The following SERINC5 variants were observed in gnomAD, a reference collection of about 807,000 sequenced individuals.
The protein encoded by SERINC5 is chromosome 5 open reading frame 12.
Under a neutral mutation model 63.1 loss-of-function variants are expected in SERINC5, and 41 were observed. The observed-to-expected ratio is 0.65, with a 90% confidence interval of 0.51 to 0.84. The LOEUF is 0.84. Ranked by LOEUF, SERINC5 falls within the 40% of genes least tolerant of loss-of-function variation. SERINC5 has a pLI of 0.00. For missense variants in SERINC5, 523 were observed against 573.0 expected (o/e 0.91, Z 0.89); for synonymous variants, 222 against 215.2 (o/e 1.03, Z -0.28).
chr5:80,224,210 C>T (rs1169077769), intron 1 of SERINC5, among the ~76,000 whole-genome samples: 1 of 151,724 alleles, frequency 6.6e-6, no homozygotes, highest in Non-Finnish European at 1.5e-5. Flanking sequence ...CCTGTAATCC[C>T]AGCACTTTGG....
intron 1 of SERINC5, among the ~76,000 whole-genome samples, chr5:80,243,698 G>A (rs1009743625): frequency 6.6e-6 from 1 of 151,566 alleles, no homozygotes; most frequent in African/African-American, 2.4e-5. Context: ...TTAAGCCCAG[G>A]AGTTTGGGAC....
chr5:80,177,846 GA>G, intron 3 of SERINC5, 39 bp downstream of exon 3: 1 of 1,508,466 alleles, frequency 6.6e-7, no homozygotes, highest in South Asian at 1.3e-5. Flanking sequence ...CTGAACATAA[GA>G]AAGGAGAAAG....
chr5:80,241,003 T>C (rs963710513), intron 1 of SERINC5, among the ~76,000 whole-genome samples: 4 of 152,168 alleles, frequency 2.6e-5, no homozygotes, highest in African/African-American at 9.7e-5. Flanking sequence ...AAAATATTGT[T>C]TTTAAGTTAG....
intron 1 of SERINC5, among the ~76,000 whole-genome samples, chr5:80,231,587 T>C (rs1751440086): frequency 6.6e-6 from 1 of 151,580 alleles, no homozygotes; most frequent in Admixed American, 6.6e-5. Flanking sequence ...TAGGTCTAAA[T>C]TCCAGATGAA....
At chr5:80,212,730 T>C (rs145245895) in intron 1 of SERINC5, among the ~76,000 whole-genome samples, 41 of 151,986 alleles carry the variant, frequency 2.7e-4, no homozygotes, top group African/African-American at 9.7e-4. Flanking sequence ...CCTTTATTGA[T>C]AGCTATGCAA....
chr5:80,231,974 C>T (rs1021070617), intron 1 of SERINC5, among the ~76,000 whole-genome samples: 2 of 151,948 alleles, frequency 1.3e-5, no homozygotes, highest in Admixed American at 6.6e-5. Context: ...TGATGGCATG[C>T]TCCTGTGGTC....
At chr5:80,231,698 G>A (rs573574771) in intron 1 of SERINC5, among the ~76,000 whole-genome samples, 4 of 151,894 alleles carry the variant, frequency 2.6e-5, no homozygotes, top group African/African-American at 7.2e-5. Flanking sequence ...ATTCTGCCAA[G>A]ATAATTCAAC....
At chr5:80,184,441 CA>C (rs1203179276) in intron 2 of SERINC5, among the ~76,000 whole-genome samples, 1 of 152,166 alleles carries the variant, frequency 6.6e-6, no homozygotes, top group Admixed American at 6.5e-5. Context: ...CCACCATCCC[CA>C]ACAAATCCCC....
chr5:80,149,405 A>G (rs1358875385), intron 9 of SERINC5, among the ~76,000 whole-genome samples: 1 of 152,208 alleles, frequency 6.6e-6, no homozygotes, highest in Non-Finnish European at 1.5e-5. Flanking sequence ...GCCCTTCATA[A>G]TGGCTCACTA....
At chr5:80,132,986 C>T (rs1408801760) in intron 11 of SERINC5, among the ~76,000 whole-genome samples, 7 of 152,268 alleles carry the variant, frequency 4.6e-5, no homozygotes, top group Admixed American at 1.3e-4. Flanking sequence ...ATGTAATCCT[C>T]AGCGTTGGAG....
At position 80,154,283 on chromosome 5, in the gene SERINC5, G is replaced by A. The variant is rs376863707; in HGVS notation, c.987-3335C>T. On this transcript the variant is annotated intron_variant, in intron 8 of 11. Transcript: ENST00000507668. ...CAACCTCTGTCTTCTGGGTTCAAAC[G>A]ATTCTCCTGTCTCAGCCTCCCGAGT... Among the ~76,000 whole-genome samples, 4 of 151,970 alleles carry A rather than the reference G, an allele frequency of 2.6e-5. No individual in the cohort carries two copies. The East Asian group carries it at 5.8e-4, about 22-fold the overall frequency.
intron 11 of SERINC5, among the ~76,000 whole-genome samples, chr5:80,118,585 T>TC (rs756393245): frequency 2.6e-5 from 4 of 151,972 alleles, no homozygotes; most frequent in Non-Finnish European, 5.9e-5. Context: ...TCTCACTCTG[T>TC]CCCCCAGGAT....
intron 2 of SERINC5, among the ~76,000 whole-genome samples, chr5:80,188,752 G>C (rs1454332101): frequency 6.6e-6 from 1 of 152,098 alleles, no homozygotes; most frequent in Non-Finnish European, 1.5e-5. Context: ...GCCAGGCATA[G>C]TGGTGCACGC....
Position 80,237,905 on chromosome 5 carries a change from C to G in SERINC5, c.27+17991G>C, listed in dbSNP as rs182202293. 8.9e-3 allele frequency among the ~76,000 whole-genome samples: 1,349 copies of G among 151,824 alleles called. 9 individuals are homozygous for G. The highest frequency in any genetic ancestry group is 0.015 in the Non-Finnish European group (1,033 of 67,926). On this transcript the variant is annotated intron_variant, in intron 1 of 11. Coordinates refer to ENST00000507668, the MANE Select transcript of SERINC5 (RefSeq NM_001174072.3). ...GGATCACGAGGTCAAGAGATCGAGA[C>G]CATCCTGGCCAACATGGTGAAACCC... is the stretch of plus-strand genomic sequence containing the variant.
At position 80,202,868 on chromosome 5, in the gene SERINC5, G is replaced by A; in HGVS notation, c.195+18C>T. 6.3e-7 allele frequency: 1 copy of A among 1,599,356 alleles called. No individual in the cohort carries two copies. Among genetic ancestry groups the A allele is most frequent in the South Asian group, 1.1e-5 (1 of 90,248 alleles). On this transcript the variant is annotated intron_variant, in intron 2 of 11. Coordinates refer to ENST00000507668, the MANE Select transcript of SERINC5 (RefSeq NM_001174072.3). ...TCAAACATCGGAAATAGGACGAGCT[G>A]AACACGGACAAACTTACGTGCTCTT...
chr5:80,227,714 G>A (rs1327734737), intron 1 of SERINC5, among the ~76,000 whole-genome samples: 1 of 152,056 alleles, frequency 6.6e-6, no homozygotes, highest in Non-Finnish European at 1.5e-5. Context: ...GCCAGGGTGG[G>A]GGCGAACACC....
chr5:80,179,044 A>C (rs1748243464), intron 2 of SERINC5, among the ~76,000 whole-genome samples: 1 of 152,174 alleles, frequency 6.6e-6, no homozygotes, highest in Non-Finnish European at 1.5e-5. Flanking sequence ...TCATGCCTGT[A>C]ATCCCAGCAC....
chr5:80,135,859 A>G (rs1466541835), downstream of SERINC5, among the ~76,000 whole-genome samples: 2 of 151,450 alleles, frequency 1.3e-5, no homozygotes, highest in African/African-American at 2.4e-5. Flanking sequence ...GACTATCAGT[A>G]TCTATGTGGG....
At chr5:80,148,142 G>C (rs1745938570) in intron 9 of SERINC5, among the ~76,000 whole-genome samples, 1 of 151,360 alleles carries the variant, frequency 6.6e-6, no homozygotes, top group African/African-American at 2.4e-5. Flanking sequence ...GGGATGGAGG[G>C]AATGCTTGCC....
Sources: allele counts gnomAD v4.1 joint callset (sites outside exome capture counted in the v4.1 genomes callset), GRCh38; gene constraint gnomAD v4.1.1; transcripts MANE v1.5; gene names NCBI Gene and HGNC (gene_info 2026-07-23, HGNC 2026-07-21).